NEK11: variants seen among roughly 807,000 people sequenced by gnomAD.
The protein encoded by NEK11 is NIMA related kinase 11, also known as serine/threonine-protein kinase Nek11.
NEK11 carries 72 observed loss-of-function variants against 80.7 expected under a neutral mutation model. That is an observed-to-expected ratio of 0.89 (90% CI 0.74 to 1.08). NEK11 has a LOEUF of 1.08. Among genes scored for constraint, NEK11 ranks in the 50% least tolerant of loss-of-function variants. NEK11 has a pLI of 0.00. For synonymous variants in NEK11, 251 were observed against 260.7 expected, an observed-to-expected ratio of 0.96 and a Z score of 0.36; for missense variants, 764 against 763.6, an observed-to-expected ratio of 1.00 and a Z score of -0.01.
intron 14 of NEK11, among the ~76,000 whole-genome samples, chr3:131,210,460 G>A (rs2094574502): frequency 6.6e-6 from 1 of 152,178 alleles, no homozygotes; most frequent in Non-Finnish European, 1.5e-5. Flanking sequence ...TTGATTTGGG[G>A]TGGAGAGTTC....
intron 3 of NEK11, among the ~76,000 whole-genome samples, chr3:131,056,024 C>T (rs1239064878): frequency 6.6e-6 from 1 of 152,114 alleles, no homozygotes; most frequent in African/African-American, 2.4e-5. Flanking sequence ...TTAATCAGTT[C>T]CCTTTTTCTG....
Position 131,240,964 on chromosome 3 carries a change from T to A in NEK11, c.1561-2472T>A, listed in dbSNP as rs552085081. Among the ~76,000 whole-genome samples, 3 of 152,292 alleles carry A rather than the reference T, an allele frequency of 2.0e-5. No individual in the cohort carries two copies. In the East Asian group the frequency reaches 5.8e-4, roughly 29 times the overall value. Reference sequence around the variant, plus strand: ...CTGCCTAAACTTTTCCTATTAGAAATTAACTCCTCTGATATGAGGTCATAT... The same window carrying A: ...CTGCCTAAACTTTTCCTATTAGAAAATAACTCCTCTGATATGAGGTCATAT... On this transcript the variant is annotated intron_variant, in intron 15 of 17. Coordinates refer to ENST00000383366, the MANE Select transcript of NEK11 (RefSeq NM_024800.5).
chr3:131,154,911 C>T, intron 9 of NEK11, 125 bp from the exon 10 acceptor site: 1 of 606,756 alleles, frequency 1.6e-6, no homozygotes, highest in Non-Finnish European at 3.0e-6. Context: ...AACTAGCATG[C>T]TTTGTTCTCA....
intron 5 of NEK11, among the ~76,000 whole-genome samples, chr3:131,126,493 T>G (rs889614561): frequency 6.6e-6 from 1 of 152,358 alleles, no homozygotes; most frequent in South Asian, 2.1e-4. Flanking sequence ...AAATTCCAGA[T>G]TGACAGATTT....
chr3:131,249,319 A>C (rs889894157), intron 16 of NEK11, among the ~76,000 whole-genome samples: 2 of 152,132 alleles, frequency 1.3e-5, no homozygotes, highest in Non-Finnish European at 2.9e-5. Flanking sequence ...CTGAACCTAC[A>C]GAATCTCATA....
intron 17 of NEK11, among the ~76,000 whole-genome samples, chr3:131,337,654 T>C (rs2097209727): frequency 6.6e-6 from 1 of 151,432 alleles, no homozygotes; most frequent in Non-Finnish European, 1.5e-5. Context: ...TAAAAATAAA[T>C]AAAAATAAAA....
rs2149346666 is a variant in NEK11 at position 131,109,869 on chromosome 3, A to G, written c.403A>G (p.Ile135Val). 1.9e-6 allele frequency: 3 copies of G among 1,604,584 alleles called. No homozygotes were observed. Among genetic ancestry groups the G allele is most frequent in the Non-Finnish European group, 2.6e-6 (3 of 1,176,414 alleles). ...QAGKIFPENQIIEWFIQLLLG... is the reference protein window; with the variant it reads ...QAGKIFPENQVIEWFIQLLLG... ...TGGAAAAATCTTTCCAGAAAATCAAATAATAGAATGGTTTATCCAGCTGCT... is the reference window on the plus strand; with the variant it reads ...TGGAAAAATCTTTCCAGAAAATCAAGTAATAGAATGGTTTATCCAGCTGCT... Residue 135 changes from isoleucine (I) to valine (V), a missense_variant, in exon 5 of 18, where the codon ATA becomes GTA. Transcript: ENST00000383366.
At chr3:131,311,913 T>C (rs770398416) in intron 17 of NEK11, among the ~76,000 whole-genome samples, 30 of 152,166 alleles carry the variant, frequency 2.0e-4, no homozygotes, top group Non-Finnish European at 4.4e-5. Flanking sequence ...GCCCACAAAG[T>C]CTAGAGATAT....
At chr3:131,049,134 G>A (rs2109958136) in intron 3 of NEK11, among the ~76,000 whole-genome samples, 1 of 152,292 alleles carries the variant, frequency 6.6e-6, no homozygotes, top group South Asian at 2.1e-4. Context: ...CGTTAGTTTA[G>A]TATTTTGGTT....
chr3:131,074,704 G>T (rs7640528), intron 3 of NEK11, among the ~76,000 whole-genome samples: 25,071 of 152,110 alleles, frequency 0.16, 2,183 homozygotes, highest in Middle Eastern at 0.2. Flanking sequence ...CAGGGAAAAG[G>T]CAATGCAGCA....
chr3:131,146,884 C>CAAA (rs2088459549), intron 7 of NEK11, among the ~76,000 whole-genome samples: 4 of 151,980 alleles, frequency 2.6e-5, no homozygotes. Flanking sequence ...TGGATTCTCT[C>CAAA]ATTTTTCTTA....
chr3:131,288,539 G>A lies in NEK11; in HGVS notation c.1718+14965G>A, dbSNP rs543286461. Among the ~76,000 whole-genome samples, 180 of 142,830 alleles carry A rather than the reference G, an allele frequency of 1.3e-3. 1 individual carries two copies. The highest frequency in any genetic ancestry group is 4.4e-3 in the African/African-American group (168 of 38,600). The allele number at this position is 142,830 out of a possible 152,430, so 93.7% of individuals were successfully genotyped here. A position where few individuals can be genotyped will look rare whatever the true frequency, so the allele number is the denominator to read the frequency against. ...GTGATCTAGGCTCACCACAGCCTCC[G>A]CCTCCCAGGTTCAAGCGATTCTCCT... On this transcript the variant is annotated intron_variant, in intron 17 of 17. Transcript: ENST00000383366.
chr3:131,167,953 C>T (rs1042119404), intron 12 of NEK11, among the ~76,000 whole-genome samples: 1 of 152,218 alleles, frequency 6.6e-6, no homozygotes, highest in Non-Finnish European at 1.5e-5. Context: ...AAGCATGTTT[C>T]CTATGTTTAT....
chr3:131,274,755 G>T (rs1428714056), intron 17 of NEK11, among the ~76,000 whole-genome samples: 1 of 136,994 alleles, frequency 7.3e-6, no homozygotes, highest in Non-Finnish European at 1.5e-5. Context: ...CCGGGTTCAC[G>T]CCATTCTCCT....
chr3:131,330,910 G>T (rs1296769055), intron 17 of NEK11: 1 of 138,754 alleles, frequency 7.2e-6, no homozygotes, highest in Non-Finnish European at 1.5e-5. Flanking sequence ...AAGAGAGAGG[G>T]GAAAAGAGAG....
chr3:131,184,783 C>T, intron 14 of NEK11: 1 of 1,102,472 alleles, frequency 9.1e-7, no homozygotes, highest in Non-Finnish European at 1.2e-6. Flanking sequence ...ATAGAATCCT[C>T]CATGCATACT....
intron 4 of NEK11, among the ~76,000 whole-genome samples, chr3:131,104,692 C>A (rs752606038): frequency 1.3e-4 from 20 of 152,194 alleles, no homozygotes; most frequent in Admixed American, 6.5e-4. Context: ...AGAGCCTGAG[C>A]TCCTTTGTTT....
intron 14 of NEK11, among the ~76,000 whole-genome samples, chr3:131,203,227 C>T: frequency 6.6e-6 from 1 of 152,056 alleles, no homozygotes; most frequent in East Asian, 1.9e-4. Flanking sequence ...GGCACATATA[C>T]ACCATGGAAT....
chr3:131,036,392 TTC>T (rs539588313), intron 3 of NEK11, among the ~76,000 whole-genome samples: 42 of 152,222 alleles, frequency 2.8e-4, no homozygotes, highest in Non-Finnish European at 6.0e-4. Context: ...CTCCAGTGAA[TTC>T]TGTTTGGTCT....
Sources: gnomAD v4.1 joint callset for allele counts (sites outside exome capture counted in the v4.1 genomes callset) on GRCh38, gnomAD v4.1.1 for gene constraint, MANE v1.5 for transcripts, NCBI Gene and HGNC (gene_info 2026-07-23, HGNC 2026-07-21) for gene names.